Variants in HDAC4 observed in about 807,000 individuals in gnomAD.
HDAC4 encodes histone deacetylase 4.
Under a neutral mutation model 135.1 loss-of-function variants are expected in HDAC4, and 16 were observed. The observed-to-expected ratio is 0.12, with a 90% CI of 0.08 to 0.18. HDAC4 has a LOEUF of 0.18. HDAC4 is among the 10% of genes least tolerant of loss of function. HDAC4 has a pLI of 1.00. For missense variants in HDAC4, 1,143 were observed against 1,511.8 expected (o/e 0.76, Z 4.05); for synonymous variants, 685 against 653.4 (o/e 1.05, Z -0.74).
In HDAC4 at chr2:239,352,562, A is replaced by G; in HGVS notation, c.22+116T>C. The G allele has an allele frequency of 3.1e-6, 3 of 952,522 alleles. No homozygotes were observed. Among genetic ancestry groups the G allele is most frequent in the East Asian group, 2.6e-5 (1 of 38,074 alleles). The allele number at this position is 952,522 out of a possible 1,614,324, so 59.0% of individuals were successfully genotyped here. A position where few individuals can be genotyped will look rare whatever the true frequency, so the allele number is the denominator to read the frequency against. On this transcript the variant is annotated intron_variant, in intron 2 of 26. Transcript: ENST00000543185. This position sits in a 1 kb window ranked among gnomAD's most constrained non-coding sequence, Gnocchi z 4.4. ...GTGCTGTCAAAAACCAACAGTGACC[A>G]CTATCAAGAAAAACAAAAGTCTCAA...
intron 9 of HDAC4, among the ~76,000 whole-genome samples, chr2:239,137,843 G>A (rs1281015112): frequency 6.6e-6 from 1 of 152,188 alleles, no homozygotes; most frequent in Non-Finnish European, 1.5e-5. Flanking sequence ...CATCTGATGT[G>A]GAACATGAAC....
upstream of HDAC4, among the ~76,000 whole-genome samples, chr2:239,401,202 C>T (rs1159227213): frequency 6.6e-6 from 1 of 151,992 alleles, no homozygotes; most frequent in Non-Finnish European, 1.5e-5. Flanking sequence ...CCGCCCGCCC[C>T]GGGCGCCTGG....
chr2:239,243,005 A>G (rs979921240), intron 2 of HDAC4, among the ~76,000 whole-genome samples: 3 of 152,086 alleles, frequency 2.0e-5, no homozygotes, highest in Non-Finnish European at 4.4e-5. Context: ...GGGAACAGGA[A>G]GGCAGCAAGA....
intron 2 of HDAC4, among the ~76,000 whole-genome samples, chr2:239,311,884 G>A (rs1192325441): frequency 6.6e-6 from 1 of 152,240 alleles, no homozygotes; most frequent in East Asian, 1.9e-4. Flanking sequence ...GCAGCCCACG[G>A]GGCAGCTCTG....
intron 1 of HDAC4, among the ~76,000 whole-genome samples, chr2:239,380,021 C>T (rs1032439749): frequency 5.9e-5 from 9 of 152,134 alleles, no homozygotes; most frequent in South Asian, 4.1e-4. Context: ...CAGCCGGGGG[C>T]GCCAAGACTC....
At chr2:239,178,024 C>T (rs560201441) in intron 4 of HDAC4, among the ~76,000 whole-genome samples, 107 of 152,318 alleles carry the variant, frequency 7.0e-4, no homozygotes, top group African/African-American at 2.0e-3. Flanking sequence ...CACGTCCTTC[C>T]GCTCCTCTGA....
Position 239,163,476 on chromosome 2 carries a change from G to A in HDAC4, c.611+327C>T, listed in dbSNP as rs141378235. 5.1e-4 allele frequency among the ~76,000 whole-genome samples: 78 copies of A among 151,940 alleles called. No individual in the cohort carries two copies. The East Asian group carries it at 0.015, about 29-fold the overall frequency. ...GTCACTCTGGAGGGGGGCCCACCCCGTGAGGATGGCTGCTGTGGAAGTGTA... is the reference window on the plus strand; with the variant it reads ...GTCACTCTGGAGGGGGGCCCACCCCATGAGGATGGCTGCTGTGGAAGTGTA... On this transcript the variant is annotated intron_variant, in intron 6 of 26. Transcript: ENST00000543185.
chr2:239,370,574 G>A (rs1290065854), intron 1 of HDAC4, among the ~76,000 whole-genome samples: 2 of 152,210 alleles, frequency 1.3e-5, no homozygotes, highest in Admixed American at 6.5e-5. Flanking sequence ...AGCATGTCTG[G>A]TGTTTTTCAG....
intron 2 of HDAC4, among the ~76,000 whole-genome samples, chr2:239,337,267 G>A (rs950516795): frequency 6.6e-6 from 1 of 152,170 alleles, no homozygotes; most frequent in Admixed American, 6.5e-5. Flanking sequence ...ATGCACGTGA[G>A]ACTCAGCTGT....
chr2:239,145,922 C>T (rs2041729178), intron 7 of HDAC4, among the ~76,000 whole-genome samples: 1 of 152,202 alleles, frequency 6.6e-6, no homozygotes, highest in Non-Finnish European at 1.5e-5. Context: ...GAGTCAGGGA[C>T]AGTTTTTCTG....
At chr2:239,070,932 T>G (rs1262175949) in intron 22 of HDAC4, among the ~76,000 whole-genome samples, 1 of 121,330 alleles carries the variant, frequency 8.2e-6, no homozygotes, top group East Asian at 2.0e-4. Flanking sequence ...CTGTTGTTTT[T>G]TTTTTTTTTT....
chr2:239,287,276 G>C (rs1219444915), intron 2 of HDAC4, among the ~76,000 whole-genome samples: 3 of 152,268 alleles, frequency 2.0e-5, no homozygotes, highest in Admixed American at 2.0e-4. Context: ...CTTCGGCTGC[G>C]ACGGTTTCTC....
At position 239,114,965 on chromosome 2, in the gene HDAC4, C is replaced by A. The variant is rs924252632; in HGVS notation, c.1791+88G>T. 4.7e-6 allele frequency: 7 copies of A among 1,496,632 alleles called. No homozygotes were observed. In the Admixed American group the frequency reaches 5.4e-5, roughly 11 times the overall value. 92.7% of individuals were successfully genotyped at this position (1,496,632 alleles called of 1,614,324 possible). A position where few individuals can be genotyped will look rare whatever the true frequency, so the allele number is the denominator to read the frequency against. Reference sequence around the variant, plus strand: ...GTGACCGCGCAAGGATGCCCTGCAGCCCCCGTGATCACCACAGAAGATGCC... The same window carrying A: ...GTGACCGCGCAAGGATGCCCTGCAGACCCCGTGATCACCACAGAAGATGCC... On this transcript the variant is annotated intron_variant, in intron 13 of 26. Coordinates refer to ENST00000543185, the MANE Select transcript of HDAC4 (RefSeq NM_001378414.1).
intron 2 of HDAC4, among the ~76,000 whole-genome samples, chr2:239,317,071 T>C (rs541334646): frequency 2.6e-5 from 4 of 152,308 alleles, no homozygotes; most frequent in African/African-American, 9.6e-5. Context: ...ACCCGGTATC[T>C]GGACCATACG....
chr2:239,351,389 T>C (rs1410144939), intron 2 of HDAC4, among the ~76,000 whole-genome samples: 1 of 152,170 alleles, frequency 6.6e-6, no homozygotes, highest in Non-Finnish European at 1.5e-5. Flanking sequence ...GCCCTGCCTA[T>C]AGAATTATAC....
chr2:239,113,445 C>G (rs769263695), intron 13 of HDAC4, among the ~76,000 whole-genome samples: 3 of 152,234 alleles, frequency 2.0e-5, no homozygotes, highest in Non-Finnish European at 2.9e-5. Flanking sequence ...TCCTCCCCGA[C>G]GCGGGCTGGA....
intron 6 of HDAC4, among the ~76,000 whole-genome samples, chr2:239,159,928 T>C (rs566832377): frequency 2.0e-5 from 3 of 152,400 alleles, no homozygotes; most frequent in African/African-American, 7.2e-5. Flanking sequence ...AAACCTTGTC[T>C]TCCGGAGGAA....
At chr2:239,289,011 G>A (rs1440921392) in intron 2 of HDAC4, among the ~76,000 whole-genome samples, 3 of 152,202 alleles carry the variant, frequency 2.0e-5, no homozygotes, top group Admixed American at 6.5e-5. Context: ...CGGCTGCAGC[G>A]CCTGTCAAGG....
chr2:239,209,191 G>T (rs1296327408), intron 3 of HDAC4, among the ~76,000 whole-genome samples: 2 of 152,226 alleles, frequency 1.3e-5, no homozygotes, highest in Non-Finnish European at 2.9e-5. Flanking sequence ...GGCCCTGAAA[G>T]ACATTTTTAA....
Sources: allele counts gnomAD v4.1 joint callset (sites outside exome capture counted in the v4.1 genomes callset), GRCh38; gene constraint gnomAD v4.1.1; non-coding constraint Gnocchi (gnomAD v3.1); transcripts MANE v1.5; gene names NCBI Gene and HGNC (gene_info 2026-07-23, HGNC 2026-07-21).